ZNF385D: variants seen among roughly 807,000 people sequenced by gnomAD.
ZNF385D encodes zinc finger protein 659.
In ZNF385D, 15 loss-of-function variants were observed where a neutral mutation model predicts 35.8. The observed-to-expected ratio is 0.42, with a 90% CI of 0.28 to 0.64. The LOEUF (loss-of-function observed/expected upper bound fraction) is 0.64, where lower values mean the gene tolerates loss of function less well. ZNF385D is among the 30% of genes least tolerant of loss of function. The pLI, the probability that ZNF385D is intolerant of heterozygous loss-of-function variation, is 0.23. For missense variants in ZNF385D, 474 were observed against 494.6 expected (o/e 0.96, Z 0.39); for synonymous variants, 212 against 186.8 (o/e 1.13, Z -1.10).
intron 3 of ZNF385D, among the ~76,000 whole-genome samples, chr3:21,898,318 T>C (rs1241836565): frequency 6.6e-6 from 1 of 152,160 alleles, no homozygotes; most frequent in Non-Finnish European, 1.5e-5. Context: ...CTCTACTCTA[T>C]ACTAACACAG....
intron 3 of ZNF385D, among the ~76,000 whole-genome samples, chr3:22,033,329 G>A (rs1372846792): frequency 6.6e-6 from 1 of 151,532 alleles, no homozygotes. Flanking sequence ...TTGAACCCAG[G>A]AGACAGAGGT....
intron 2 of ZNF385D, among the ~76,000 whole-genome samples, chr3:21,663,037 C>T (rs527514158): frequency 3.9e-5 from 6 of 152,176 alleles, no homozygotes; most frequent in African/African-American, 9.6e-5. Context: ...AAGGTCTTAT[C>T]GATGGTAACA....
At chr3:21,739,334 C>A (rs778993365) in intron 1 of ZNF385D, among the ~76,000 whole-genome samples, 1 of 152,168 alleles carries the variant, frequency 6.6e-6, no homozygotes, top group Middle Eastern at 3.2e-3. Flanking sequence ...TTTCTCTCCA[C>A]GGACATTTTT....
Position 22,020,052 on chromosome 3 carries a change from C to A in ZNF385D, c.325+148765G>T, listed in dbSNP as rs1309116512. Among the ~76,000 whole-genome samples the A allele has an allele frequency of 4.0e-5, 6 of 151,706 alleles. No homozygotes were observed. In the East Asian group the frequency reaches 5.8e-4, roughly 15 times the overall value. On this transcript the variant is annotated intron_variant, in intron 3 of 5. Transcript: ENST00000494108. ...TAATATTATTAACTTTATTTTTAAA[C>A]AAAATTCATACAATTAAAAAATGTA...
chr3:21,878,219 A>T (rs1684518), intron 3 of ZNF385D: 4 of 151,656 alleles, frequency 2.6e-5, no homozygotes, highest in African/African-American at 7.3e-5. Flanking sequence ...AGAGATCTTA[A>T]GTAACTTATC....
chr3:21,891,259 T>C (rs1303471578), intron 3 of ZNF385D, among the ~76,000 whole-genome samples: 2 of 152,164 alleles, frequency 1.3e-5, no homozygotes, highest in African/African-American at 4.8e-5. Flanking sequence ...TCATCGTCAG[T>C]ATTATCTATC....
At position 21,938,743 on chromosome 3, in the gene ZNF385D, C is replaced by G. The variant is rs115334266; in HGVS notation, c.325+230074G>C. On this transcript the variant is annotated intron_variant, in intron 3 of 5. Transcript: ENST00000494108. Reference sequence around the variant, plus strand: ...TAAAACTAATGTCCACCTCAACACCCCCACCTTCTATGTCCATCTTTCTAT... The same window carrying G: ...TAAAACTAATGTCCACCTCAACACCGCCACCTTCTATGTCCATCTTTCTAT... 8.0e-3 allele frequency among the ~76,000 whole-genome samples: 1,217 copies of G among 152,258 alleles called. 20 individuals carry two copies. The highest frequency in any genetic ancestry group is 0.028 in the African/African-American group (1,165 of 41,538).
At chr3:21,888,625 G>C (rs867588178) in intron 3 of ZNF385D, among the ~76,000 whole-genome samples, 3 of 152,134 alleles carry the variant, frequency 2.0e-5, no homozygotes, top group South Asian at 4.1e-4. Flanking sequence ...AGCAGGTCTA[G>C]TTACTTTTTC....
chr3:22,065,146 A>G lies in ZNF385D; in HGVS notation c.325+103671T>C, dbSNP rs564789660. On this transcript the variant is annotated intron_variant, in intron 3 of 5. Transcript: ENST00000494108. ...ATAACTTAATACAGAAGATGAACTT[A>G]TTGAGAGAGTGTGGAGTTAGTAAGT... Among the ~76,000 whole-genome samples, 20 of 152,312 alleles carry G rather than the reference A, an allele frequency of 1.3e-4. 1 individual carries two copies. The highest frequency in any genetic ancestry group is 9.2e-4 in the Admixed American group (14 of 15,290).
chr3:21,931,172 A>T (rs956543135), intron 3 of ZNF385D, among the ~76,000 whole-genome samples: 20 of 152,184 alleles, frequency 1.3e-4, no homozygotes, highest in Non-Finnish European at 2.8e-4. Context: ...CAAATGTCTA[A>T]TTAATAAGCA....
At chr3:21,755,093 C>T (rs1387722771), upstream of ZNF385D, among the ~76,000 whole-genome samples, 1 of 152,224 alleles carries the variant, frequency 6.6e-6, no homozygotes. Context: ...TTCAAATTCT[C>T]ATAGCTGCAT....
intron 3 of ZNF385D, among the ~76,000 whole-genome samples, chr3:21,531,078 T>C (rs1414182225): frequency 1.3e-5 from 2 of 152,168 alleles, no homozygotes; most frequent in Non-Finnish European, 2.9e-5. Context: ...GCTATAGATA[T>C]TACTGCCCAG....
chr3:22,290,221 C>T (rs573976898), intron 2 of ZNF385D, among the ~76,000 whole-genome samples: 1 of 152,194 alleles, frequency 6.6e-6, no homozygotes, highest in Non-Finnish European at 1.5e-5. Context: ...GTTGGGAATT[C>T]CTTCCTTACT....
chr3:21,421,203 C>T lies in ZNF385D; in HGVS notation c.*11G>A. On this transcript the variant is annotated 3_prime_UTR_variant, in exon 8 of 8. Coordinates refer to ENST00000281523, the MANE Select transcript of ZNF385D (RefSeq NM_024697.3). ...AAAAATTATTGCAGTACAATTACTC[C>T]TATTTGGAATTTAGTAAGGAGCAAA... 1 of 1,609,378 alleles carries T rather than the reference C, an allele frequency of 6.2e-7. No homozygotes were observed. Among genetic ancestry groups the T allele is most frequent in the Middle Eastern group, 1.7e-4 (1 of 5,990 alleles).
At chr3:21,804,089 A>G (rs1168667404) in intron 3 of ZNF385D, among the ~76,000 whole-genome samples, 2 of 152,240 alleles carry the variant, frequency 1.3e-5, no homozygotes, top group Non-Finnish European at 2.9e-5. Flanking sequence ...TCAGTTGAGA[A>G]ATCAGTGCTG....
intron 3 of ZNF385D, among the ~76,000 whole-genome samples, chr3:21,910,119 C>G (rs753219930): frequency 7.3e-6 from 1 of 136,854 alleles, no homozygotes; most frequent in Non-Finnish European, 1.6e-5. Flanking sequence ...AGCCAATTAT[C>G]TTCCTTCTTT....
chr3:21,998,585 A>C (rs1576118947), intron 3 of ZNF385D, among the ~76,000 whole-genome samples: 1 of 152,226 alleles, frequency 6.6e-6, no homozygotes, highest in African/African-American at 2.4e-5. Flanking sequence ...TATACTTATC[A>C]GCACCTTGAA....
chr3:22,113,022 C>T (rs1239725633), intron 3 of ZNF385D, among the ~76,000 whole-genome samples: 2 of 152,028 alleles, frequency 1.3e-5, no homozygotes, highest in African/African-American at 4.8e-5. Flanking sequence ...CCCCAACAAT[C>T]TCTCGGTCGC....
chr3:21,993,981 C>A (rs1192136917), intron 3 of ZNF385D, among the ~76,000 whole-genome samples: 1 of 152,174 alleles, frequency 6.6e-6, no homozygotes, highest in Non-Finnish European at 1.5e-5. Flanking sequence ...AGCTGCTCTG[C>A]CTCACCAGTA....
Sources: gnomAD v4.1 joint callset for allele counts (sites outside exome capture counted in the v4.1 genomes callset) on GRCh38, gnomAD v4.1.1 for gene constraint, MANE v1.5 for transcripts, NCBI Gene and HGNC (gene_info 2026-07-23, HGNC 2026-07-21) for gene names.